MINDY4B: variants seen among roughly 807,000 people sequenced by gnomAD.
MINDY4B encodes MINDY family member 4B, also known as inactive ubiquitin carboxyl-terminal hydrolase MINDY-4B.
In MINDY4B, 25 loss-of-function variants were observed where a neutral mutation model predicts 16.7. That is an observed-to-expected ratio of 1.49 (90% CI 1.09 to 2.09). MINDY4B has a LOEUF of 2.09. Among genes scored for constraint, MINDY4B ranks in the 30% most tolerant of loss-of-function variants. The pLI, the probability that MINDY4B is intolerant of heterozygous loss-of-function variation, is 0.00. For synonymous variants in MINDY4B, 132 were observed against 61.9 expected (o/e 2.13, Z -5.32); for missense variants, 327 against 168.4 (o/e 1.94, Z -5.21).
At chr3:150,899,906 G>A (rs1447100646) in intron 3 of MINDY4B, among the ~76,000 whole-genome samples, 1 of 152,194 alleles carries the variant, frequency 6.6e-6, no homozygotes, top group African/African-American at 2.4e-5. Flanking sequence ...CCATTTCAGA[G>A]CTTCATTCAT....
chr3:150,873,612 G>T (rs1294106570), intron 10 of MINDY4B, among the ~76,000 whole-genome samples: 2 of 152,086 alleles, frequency 1.3e-5, no homozygotes, highest in Non-Finnish European at 2.9e-5. Flanking sequence ...AATTTTTTTG[G>T]TGGCCTCACA....
intron 3 of MINDY4B, among the ~76,000 whole-genome samples, chr3:150,900,274 A>G (rs773811778): frequency 2.0e-5 from 3 of 152,254 alleles, no homozygotes; most frequent in African/African-American, 4.8e-5. Context: ...AAAGGTGCGT[A>G]GGGTGCTTTA....
At chr3:150,890,234 T>G (rs915225207) in intron 7 of MINDY4B, 86 bp downstream of exon 7, 1 of 411,738 alleles carries the variant, frequency 2.4e-6, no homozygotes. Flanking sequence ...TTAACAGGCA[T>G]CATTAGAAAT....
chr3:150,895,020 A>G (rs748576768), intron 3 of MINDY4B, among the ~76,000 whole-genome samples: 2 of 152,258 alleles, frequency 1.3e-5, no homozygotes, highest in African/African-American at 2.4e-5. Context: ...GGAAGGCTTC[A>G]TGGAAGAACT....
chr3:150,888,167 C>T (rs1711676835), intron 7 of MINDY4B, among the ~76,000 whole-genome samples: 1 of 152,154 alleles, frequency 6.6e-6, no homozygotes, highest in Middle Eastern at 3.4e-3. Flanking sequence ...TCCTTCCTTG[C>T]ATATTCCTGG....
intron 6 of MINDY4B, 122 bp downstream of exon 6, chr3:150,890,815 GA>G (rs1039270020): frequency 3.5e-5 from 21 of 605,526 alleles, no homozygotes; most frequent in African/African-American, 3.1e-4. Context: ...TGCCTCTTTG[GA>G]AGGCACCTCC....
chr3:150,888,218 C>T (rs1416895526), intron 7 of MINDY4B, among the ~76,000 whole-genome samples: 1 of 152,120 alleles, frequency 6.6e-6, no homozygotes, highest in Non-Finnish European at 1.5e-5. Context: ...GGAGAAGCAT[C>T]ACTCTGGTCC....
At chr3:150,902,798 T>C (rs1001570264) in intron 3 of MINDY4B, among the ~76,000 whole-genome samples, 1 of 152,192 alleles carries the variant, frequency 6.6e-6, no homozygotes, top group African/African-American at 2.4e-5. Context: ...ACTGTTTCTT[T>C]CTTGAGATTA....
chr3:150,885,883 C>G (rs1026167329), intron 7 of MINDY4B, among the ~76,000 whole-genome samples: 1 of 152,202 alleles, frequency 6.6e-6, no homozygotes, highest in Non-Finnish European at 1.5e-5. Flanking sequence ...CTCGGTTCTA[C>G]TGCTTTCTAA....
At chr3:150,903,851 T>C (rs1712175499) in intron 2 of MINDY4B, among the ~76,000 whole-genome samples, 1 of 152,212 alleles carries the variant, frequency 6.6e-6, no homozygotes, top group African/African-American at 2.4e-5. Context: ...TCTTTCAGAT[T>C]CCTACTCCCC....
At position 150,890,407 on chromosome 3, in the gene MINDY4B, T is replaced by C. The variant is rs1376378534; in HGVS notation, c.688-22A>G. 11 of 608,542 alleles carry C rather than the reference T, an allele frequency of 1.8e-5. 1 individual carries two copies. Among genetic ancestry groups the C allele is most frequent in the Admixed American group, 3.3e-5 (1 of 29,926 alleles). The allele number at this position is 608,542 out of a possible 1,614,324, so 37.7% of individuals were successfully genotyped here. On this transcript the variant is annotated intron_variant, in intron 6 of 11. Transcript: ENST00000465419. Reference sequence around the variant, plus strand: ...GGAGCTATAAATCAGGAACAGAAGATAAAAATGAAAAGGAAGATGAAAGTT... The same window carrying C: ...GGAGCTATAAATCAGGAACAGAAGACAAAAATGAAAAGGAAGATGAAAGTT...
chr3:150,877,137 TA>T (rs1165452618), intron 10 of MINDY4B, among the ~76,000 whole-genome samples: 1 of 152,000 alleles, frequency 6.6e-6, no homozygotes, highest in African/African-American at 2.4e-5. Flanking sequence ...TATCGCAGAG[TA>T]ATAAGAGATT....
chr3:150,896,889 T>C (rs779088266), intron 3 of MINDY4B, among the ~76,000 whole-genome samples: 2 of 152,208 alleles, frequency 1.3e-5, no homozygotes, highest in Admixed American at 6.5e-5. Context: ...CTTCCTTCAA[T>C]GGAAATCAAA....
chr3:150,885,835 C>A (rs549438370), intron 7 of MINDY4B, among the ~76,000 whole-genome samples: 11 of 152,154 alleles, frequency 7.2e-5, no homozygotes, highest in Non-Finnish European at 1.5e-4. Context: ...TGAGGGAGAT[C>A]AGAGAGGCTT....
At chr3:150,890,561 G>A (rs1361998792) in intron 6 of MINDY4B, 176 bp from the exon 7 acceptor site, 2 of 485,064 alleles carry the variant, frequency 4.1e-6, no homozygotes, top group Non-Finnish European at 7.3e-6. Context: ...GTGCAACTGG[G>A]TAGCTACCAG....
In MINDY4B at chr3:150,883,076, C is replaced by G. The variant is rs1711547732; in HGVS notation, c.898-18G>C. 3 of 671,290 alleles carry G rather than the reference C, an allele frequency of 4.5e-6. No homozygotes were observed. The highest frequency in any genetic ancestry group is 1.6e-5 in the South Asian group (1 of 62,668). The allele number at this position is 671,290 out of a possible 1,614,324, so 41.6% of individuals were successfully genotyped here. ...AGAACTGCCTAGAGAGCATATTTTACAGATACTTATATTTTAGATAGCAAT... is the reference window on the plus strand; with the variant it reads ...AGAACTGCCTAGAGAGCATATTTTAGAGATACTTATATTTTAGATAGCAAT... On this transcript the variant is annotated intron_variant, in intron 9 of 11. Coordinates refer to ENST00000465419, the MANE Select transcript of MINDY4B (RefSeq NM_001351281.2).
chr3:150,898,943 C>T (rs1239921660), intron 3 of MINDY4B, among the ~76,000 whole-genome samples: 1 of 152,174 alleles, frequency 6.6e-6, no homozygotes, highest in Non-Finnish European at 1.5e-5. Flanking sequence ...GACTAATCCT[C>T]TTTAAAGCTC....
At chr3:150,885,283 A>G in intron 8 of MINDY4B, 85 bp downstream of exon 8, 6 of 660,490 alleles carry the variant, frequency 9.1e-6, no homozygotes, top group South Asian at 8.2e-5. Flanking sequence ...TGTTTCCAAT[A>G]TGGAGATTTT....
chr3:150,885,523 G>T (rs1193300161), intron 7 of MINDY4B, 85 bp from the exon 8 acceptor site: 1 of 676,508 alleles, frequency 1.5e-6, no homozygotes, highest in African/African-American at 1.8e-5. Context: ...AGGATTTACA[G>T]GCTGAGAGAA....
Sources: allele counts gnomAD v4.1 joint callset (sites outside exome capture counted in the v4.1 genomes callset), GRCh38; gene constraint gnomAD v4.1.1; transcripts MANE v1.5; gene names NCBI Gene and HGNC (gene_info 2026-07-23, HGNC 2026-07-21).